Variants in CNOT4 observed in about 807,000 individuals in gnomAD.
CNOT4 encodes the protein CCR4-associated factor 4.
CNOT4 carries 8 observed loss-of-function variants against 73.8 expected under a neutral mutation model. The observed-to-expected ratio is 0.11, with a 90% CI of 0.06 to 0.20. The LOEUF is 0.20. CNOT4 is among the 10% of genes least tolerant of loss of function. The pLI, the probability that CNOT4 is intolerant of heterozygous loss-of-function variation, is 1.00. For missense variants in CNOT4, 564 were observed against 883.4 expected (o/e 0.64, Z 4.58); for synonymous variants, 293 against 321.1 (o/e 0.91, Z 0.94).
intron 1 of CNOT4, among the ~76,000 whole-genome samples, chr7:135,470,181 C>CTGCAGTGGTGCAA (rs1563069024): frequency 6.6e-6 from 1 of 151,744 alleles, no homozygotes; most frequent in Non-Finnish European, 1.5e-5. Context: ...GGCACAGCAA[C>CTGCAGTGGTGCAA]TGCAGTGGTG....
At chr7:135,459,407 C>T (rs1479822958) in intron 1 of CNOT4, among the ~76,000 whole-genome samples, 2 of 152,138 alleles carry the variant, frequency 1.3e-5, no homozygotes, top group Admixed American at 6.6e-5. Flanking sequence ...CACAATTGAT[C>T]GTTAAGTCTA....
chr7:135,483,758 G>A (rs949937582), intron 1 of CNOT4, among the ~76,000 whole-genome samples: 4 of 152,150 alleles, frequency 2.6e-5, no homozygotes, highest in Non-Finnish European at 5.9e-5. Flanking sequence ...TGAGGCTGCA[G>A]TATGCCGAAA....
At chr7:135,428,770 G>C (rs1407027754) in intron 2 of CNOT4, among the ~76,000 whole-genome samples, 1 of 152,084 alleles carries the variant, frequency 6.6e-6, no homozygotes, top group African/African-American at 2.4e-5. Context: ...AGAGAAAAAA[G>C]GTTGTATCTG....
At chr7:135,418,593 C>T (rs1162792914) in intron 3 of CNOT4, among the ~76,000 whole-genome samples, 2 of 152,162 alleles carry the variant, frequency 1.3e-5, no homozygotes, top group African/African-American at 2.4e-5. Context: ...ATAATCAACA[C>T]AGAATACACT....
At chr7:135,446,813 C>A (rs1799863477) in intron 1 of CNOT4, among the ~76,000 whole-genome samples, 2 of 149,894 alleles carry the variant, frequency 1.3e-5, no homozygotes, top group South Asian at 2.1e-4. Flanking sequence ...GTGGTTCTAG[C>A]TAGAAATCAA....
At chr7:135,407,043 C>G (rs1334640147) in intron 7 of CNOT4, among the ~76,000 whole-genome samples, 1 of 152,140 alleles carries the variant, frequency 6.6e-6, no homozygotes, top group Admixed American at 6.5e-5. Flanking sequence ...TGGGCCATCC[C>G]CTTGGTGATG....
chr7:135,476,437 G>A (rs1801999101), intron 1 of CNOT4, among the ~76,000 whole-genome samples: 1 of 152,138 alleles, frequency 6.6e-6, no homozygotes. Flanking sequence ...TGGAGTATAC[G>A]AAAACTATAA....
rs114521542 is a variant in CNOT4, at chr7:135,505,357, A to G, written c.-93+4532T>C. Among the ~76,000 whole-genome samples, 654 of 152,284 alleles carry G rather than the reference A, an allele frequency of 4.3e-3. 7 individuals are homozygous for G. The highest frequency in any genetic ancestry group is 0.015 in the African/African-American group (626 of 41,574). ...ATCACGAGGTCAGCAGTTCGAGAAC[A>G]GCTGGTCAACATGGTGAAACCCCAT... On this transcript the variant is annotated intron_variant, in intron 1 of 11. Transcript: ENST00000541284.
intron 2 of CNOT4, among the ~76,000 whole-genome samples, chr7:135,429,307 G>C (rs1438082675): frequency 6.6e-6 from 1 of 151,852 alleles, no homozygotes; most frequent in Non-Finnish European, 1.5e-5. Context: ...TCCTTTCATT[G>C]ATATTTTTCT....
intron 1 of CNOT4, among the ~76,000 whole-genome samples, chr7:135,480,152 T>C (rs1480539966): frequency 2.0e-5 from 3 of 152,194 alleles, no homozygotes; most frequent in Non-Finnish European, 2.9e-5. Context: ...TTATGCTGAT[T>C]TTCTGTTAAC....
At chr7:135,460,564 A>C (rs1441364186) in intron 1 of CNOT4, among the ~76,000 whole-genome samples, 1 of 152,178 alleles carries the variant, frequency 6.6e-6, no homozygotes, top group East Asian at 1.9e-4. Flanking sequence ...ACGTAGGTGC[A>C]GTTCCCGGCA....
intron 1 of CNOT4, among the ~76,000 whole-genome samples, chr7:135,468,079 G>A (rs988684376): frequency 6.6e-6 from 1 of 151,998 alleles, no homozygotes; most frequent in Non-Finnish European, 1.5e-5. Context: ...AGCCAGGCTT[G>A]GTGGCAGGCG....
intron 1 of CNOT4, among the ~76,000 whole-genome samples, chr7:135,506,073 T>C (rs1454388616): frequency 1.3e-5 from 2 of 152,258 alleles, no homozygotes; most frequent in Admixed American, 1.3e-4. Context: ...AAAATATGTA[T>C]ATACTACAAT....
intron 1 of CNOT4, among the ~76,000 whole-genome samples, chr7:135,482,408 C>T (rs967224733): frequency 8.6e-5 from 13 of 151,576 alleles, no homozygotes; most frequent in Non-Finnish European, 1.6e-4. Flanking sequence ...AATTAAAAAT[C>T]GGTCAGGTGT....
intron 2 of CNOT4, among the ~76,000 whole-genome samples, chr7:135,423,452 T>C (rs1258208085): frequency 6.7e-6 from 1 of 149,568 alleles, no homozygotes; most frequent in East Asian, 2.0e-4. Context: ...TTAACCTCCA[T>C]CTCTTCATAT....
At chr7:135,466,055 T>A (rs1801199879) in intron 1 of CNOT4, among the ~76,000 whole-genome samples, 1 of 151,128 alleles carries the variant, frequency 6.6e-6, no homozygotes, top group South Asian at 2.1e-4. Context: ...TCTCAAATAA[T>A]AATAAATAAA....
intron 1 of CNOT4, among the ~76,000 whole-genome samples, chr7:135,473,104 G>A (rs1414235663): frequency 6.6e-6 from 1 of 151,988 alleles, no homozygotes; most frequent in Non-Finnish European, 1.5e-5. Flanking sequence ...ACGTACCTTA[G>A]AATGTAGTTT....
At chr7:135,437,480 C>T (rs187244522) in intron 2 of CNOT4, among the ~76,000 whole-genome samples, 17 of 151,624 alleles carry the variant, frequency 1.1e-4, no homozygotes, top group African/African-American at 3.4e-4. Context: ...TGAGCCACCG[C>T]GCCCGGCCAG....
Position 135,494,766 on chromosome 7 carries a change from A to C in CNOT4, c.-93+15123T>G, listed in dbSNP as rs1585732038. ...TTAGAGGAAAGGGGCCTGAAATCCA[A>C]GTGTAAATAAATAGAGTAAGTAGAC... is the stretch of plus-strand genomic sequence containing the variant. On this transcript the variant is annotated intron_variant, in intron 1 of 11. Transcript: ENST00000541284. 2.6e-5 allele frequency among the ~76,000 whole-genome samples: 4 copies of C among 152,286 alleles called. No homozygotes were observed. The South Asian group carries it at 8.3e-4, about 32-fold the overall frequency.
Sources: allele counts gnomAD v4.1 joint callset (sites outside exome capture counted in the v4.1 genomes callset), GRCh38; gene constraint gnomAD v4.1.1; transcripts MANE v1.5; gene names NCBI Gene and HGNC (gene_info 2026-07-23, HGNC 2026-07-21).